The following FARS2 variants were observed in gnomAD, a reference collection of about 807,000 sequenced individuals.
FARS2 encodes phenylalanyl-tRNA synthetase 2, mitochondrial.
Under a neutral mutation model 46.4 loss-of-function variants are expected in FARS2, and 40 were observed. That is an observed-to-expected ratio of 0.86 (90% confidence interval 0.67 to 1.12). The LOEUF is 1.12. Ranked by LOEUF, FARS2 falls within the 50% of genes most tolerant of loss-of-function variation. The pLI is 0.00. For missense variants in FARS2, 513 were observed against 567.9 expected (o/e 0.90, Z 0.98); for synonymous variants, 234 against 214.9 (o/e 1.09, Z -0.78).
chr6:5,256,151 A>G (rs1378248767), upstream of FARS2, among the ~76,000 whole-genome samples: 1 of 152,048 alleles, frequency 6.6e-6, no homozygotes, highest in African/African-American at 2.4e-5. Flanking sequence ...GAACATCAGA[A>G]TTGAAGGAGT....
chr6:5,538,340 G>C (rs1049083070), intron 4 of FARS2, among the ~76,000 whole-genome samples: 1 of 151,998 alleles, frequency 6.6e-6, no homozygotes. Context: ...GTACATACCC[G>C]AGGATAAAAT....
chr6:5,354,759 T>C lies in FARS2; in HGVS notation c.-21-13791T>C, dbSNP rs369478748. Among the ~76,000 whole-genome samples the C allele has an allele frequency of 3.8e-4, 58 of 152,180 alleles. No individual in the cohort carries two copies. In the South Asian group the frequency reaches 9.3e-3, roughly 24 times the overall value. On this transcript the variant is annotated intron_variant, in intron 1 of 6. Transcript: ENST00000274680. ...CGATCTCCTGACCTCGTGATCCACC[T>C]GCCTCGGCCTCCCAAAGTGCTGGGA...
intron 1 of FARS2, among the ~76,000 whole-genome samples, chr6:5,305,206 T>C (rs1230268944): frequency 6.6e-6 from 1 of 152,240 alleles, no homozygotes; most frequent in African/African-American, 2.4e-5. Context: ...TTTTCTTCAA[T>C]TTGTTATCCA....
intron 5 of FARS2, among the ~76,000 whole-genome samples, chr6:5,599,983 A>C (rs1426283150): frequency 6.6e-6 from 1 of 152,128 alleles, no homozygotes; most frequent in Non-Finnish European, 1.5e-5. Context: ...AGCCACATGC[A>C]ATGCAAATGG....
At chr6:5,389,819 T>A (rs1322450274) in intron 2 of FARS2, among the ~76,000 whole-genome samples, 1 of 151,868 alleles carries the variant, frequency 6.6e-6, no homozygotes, top group Non-Finnish European at 1.5e-5. Flanking sequence ...CTGCTCCTAC[T>A]ACAGTTTTTT....
At chr6:5,545,061 C>A in intron 4 of FARS2, 119 bp from the exon 5 acceptor site, 1 of 880,574 alleles carries the variant, frequency 1.1e-6, no homozygotes, top group Non-Finnish European at 1.8e-6. Flanking sequence ...AGCGGCTGCC[C>A]AGTGCCTTTG....
At chr6:5,583,776 G>T (rs928949724) in intron 5 of FARS2, among the ~76,000 whole-genome samples, 1 of 152,180 alleles carries the variant, frequency 6.6e-6, no homozygotes. Context: ...TTAAACCCAG[G>T]CAGTCTGGTT....
intron 6 of FARS2, among the ~76,000 whole-genome samples, chr6:5,629,230 C>G (rs897153180): frequency 1.3e-5 from 2 of 152,164 alleles, no homozygotes; most frequent in African/African-American, 4.8e-5. Context: ...TCAAGAAGCT[C>G]ACAGTCTGAT....
At chr6:5,419,620 G>A (rs1434756215) in intron 3 of FARS2, among the ~76,000 whole-genome samples, 1 of 152,140 alleles carries the variant, frequency 6.6e-6, no homozygotes, top group Non-Finnish European at 1.5e-5. Flanking sequence ...GGATCCATCA[G>A]ATGTCTAGCA....
chr6:5,571,518 G>A (rs184934945), intron 5 of FARS2, among the ~76,000 whole-genome samples: 1 of 152,224 alleles, frequency 6.6e-6, no homozygotes, highest in East Asian at 1.9e-4. Flanking sequence ...CTTCAAGTTG[G>A]CCTTTCCAGA....
At chr6:5,498,577 A>G (rs765062821) in intron 4 of FARS2, among the ~76,000 whole-genome samples, 10 of 152,168 alleles carry the variant, frequency 6.6e-5, no homozygotes, top group Admixed American at 1.3e-4. Flanking sequence ...GATGTTGGCT[A>G]AGTTCAATTG....
At chr6:5,296,092 C>T (rs1053026337) in intron 1 of FARS2, among the ~76,000 whole-genome samples, 2 of 131,622 alleles carry the variant, frequency 1.5e-5, no homozygotes, top group South Asian at 2.6e-4. Context: ...TTTTTAATTG[C>T]GGTGAAATGT....
rs1008275365 is a variant in FARS2, at chr6:5,411,855, G to A, written c.772+7154G>A. On this transcript the variant is annotated intron_variant, in intron 3 of 6. Transcript: ENST00000274680. ...TTTGTTGTCATTTTTAATATTTCTC[G>A]AGTGTTTTCTGTATATTTTGTACTG... is the stretch of plus-strand genomic sequence containing the variant. Among the ~76,000 whole-genome samples the A allele has an allele frequency of 2.6e-5, 4 of 152,064 alleles. 1 individual carries two copies. Among genetic ancestry groups the A allele is most frequent in the Non-Finnish European group, 5.9e-5 (4 of 68,004 alleles).
intron 4 of FARS2, among the ~76,000 whole-genome samples, chr6:5,461,236 C>T (rs1207496879): frequency 6.6e-6 from 1 of 151,904 alleles, no homozygotes; most frequent in South Asian, 2.1e-4. Context: ...GACAAAGTTT[C>T]ACTACATTGC....
chr6:5,689,373 C>T (rs1208600301), intron 6 of FARS2, among the ~76,000 whole-genome samples: 18 of 149,574 alleles, frequency 1.2e-4, no homozygotes, highest in East Asian at 7.9e-4. Context: ...GCTTTGAATG[C>T]GTCCCAGAGA....
intron 3 of FARS2, among the ~76,000 whole-genome samples, chr6:5,408,974 A>G (rs138577155): frequency 4.6e-5 from 7 of 152,186 alleles, no homozygotes; most frequent in African/African-American, 1.4e-4. Flanking sequence ...GTTTCAGGAT[A>G]TATATCTCTC....
chr6:5,409,746 T>A (rs554334589), intron 3 of FARS2, among the ~76,000 whole-genome samples: 153 of 152,342 alleles, frequency 1.0e-3, no homozygotes, highest in Non-Finnish European at 1.8e-3. Context: ...TTTTCTTCTT[T>A]CCTTTGAGCC....
At chr6:5,286,065 A>T (rs562006454) in intron 1 of FARS2, among the ~76,000 whole-genome samples, 2 of 152,060 alleles carry the variant, frequency 1.3e-5, no homozygotes, top group Admixed American at 6.6e-5. Flanking sequence ...GATAAAGGTA[A>T]CCTTTTTCGC....
intron 5 of FARS2, among the ~76,000 whole-genome samples, chr6:5,602,844 C>T (rs533856748): frequency 2.0e-5 from 3 of 152,142 alleles, no homozygotes; most frequent in East Asian, 1.9e-4. Flanking sequence ...AATTTATAAC[C>T]GGGTCATGGA....
Sources: allele counts gnomAD v4.1 joint callset (sites outside exome capture counted in the v4.1 genomes callset), GRCh38; gene constraint gnomAD v4.1.1; transcripts MANE v1.5; gene names NCBI Gene and HGNC (gene_info 2026-07-23, HGNC 2026-07-21).